The following SHROOM3 variants were observed in gnomAD, a reference collection of about 807,000 sequenced individuals.
SHROOM3 encodes shroom family member 3.
SHROOM3 carries 47 observed loss-of-function variants against 138.6 expected under a neutral mutation model. The observed-to-expected ratio is 0.34, with a 90% CI of 0.27 to 0.43. SHROOM3 has a LOEUF of 0.43. SHROOM3 is among the 20% of genes least tolerant of loss of function. The probability of loss-of-function intolerance (pLI) is 1.00; values close to 1 mark genes in which losing one functional copy is unlikely to be tolerated. For missense variants in SHROOM3, 2,491 were observed against 2,596.5 expected (o/e 0.96, Z 0.88); for synonymous variants, 1,062 against 1,063.3 (o/e 1.00, Z 0.02).
intron 1 of SHROOM3, among the ~76,000 whole-genome samples, chr4:76,511,431 G>T (rs17002031): frequency 1.3e-5 from 2 of 151,918 alleles, no homozygotes; most frequent in Admixed American, 6.6e-5. Flanking sequence ...TGCTTTTATC[G>T]CTATAATCGG....
intron 2 of SHROOM3, among the ~76,000 whole-genome samples, chr4:76,608,301 C>T (rs1039030122): frequency 6.6e-6 from 1 of 152,224 alleles, no homozygotes; most frequent in Non-Finnish European, 1.5e-5. Context: ...AAGTGCCCCC[C>T]ACCCTGTCTC....
At chr4:76,486,143 A>G (rs180802105) in intron 1 of SHROOM3, among the ~76,000 whole-genome samples, 1 of 152,356 alleles carries the variant, frequency 6.6e-6, no homozygotes, top group East Asian at 1.9e-4. Context: ...CAGGTCAGAA[A>G]GGAAGTGAAT....
At chr4:76,777,890 A>G (rs1284497957) in intron 10 of SHROOM3, among the ~76,000 whole-genome samples, 2 of 152,250 alleles carry the variant, frequency 1.3e-5, no homozygotes, top group African/African-American at 4.8e-5. Context: ...CATTGCCGTC[A>G]TTGTTGAACA....
intron 2 of SHROOM3, among the ~76,000 whole-genome samples, chr4:76,690,433 C>G (rs977897603): frequency 6.6e-6 from 1 of 152,168 alleles, no homozygotes; most frequent in Non-Finnish European, 1.5e-5. Context: ...AGCTTCTGCA[C>G]TGGGAGCAAA....
At chr4:76,478,275 A>G (rs767718458) in intron 1 of SHROOM3, among the ~76,000 whole-genome samples, 63 of 152,198 alleles carry the variant, frequency 4.1e-4, no homozygotes, top group Non-Finnish European at 6.9e-4. Context: ...CACCTGGGAC[A>G]CTCAAGTTTG....
intron 1 of SHROOM3, among the ~76,000 whole-genome samples, chr4:76,466,122 A>G (rs1731245040): frequency 6.6e-6 from 1 of 152,164 alleles, no homozygotes; most frequent in Non-Finnish European, 1.5e-5. Flanking sequence ...TGAAAAATGT[A>G]GGGTTGGTGT....
intron 1 of SHROOM3, among the ~76,000 whole-genome samples, chr4:76,553,644 C>A (rs1239272687): frequency 2.0e-5 from 3 of 152,058 alleles, no homozygotes; most frequent in Admixed American, 2.0e-4. Flanking sequence ...GTGTGTGCCA[C>A]CACACCCGTC....
intron 1 of SHROOM3, among the ~76,000 whole-genome samples, chr4:76,534,869 A>C (rs10010562): frequency 0.68 from 102,790 of 151,876 alleles, 35,157 homozygotes; most frequent in East Asian, 0.94. Flanking sequence ...ACATGACACA[A>C]GCTCTGCTGT....
intron 3 of SHROOM3, among the ~76,000 whole-genome samples, chr4:76,714,747 T>C (rs1304570387): frequency 6.6e-6 from 1 of 152,244 alleles, no homozygotes; most frequent in African/African-American, 2.4e-5. Flanking sequence ...TCATTTTTTC[T>C]ACATTTATTA....
At chr4:76,633,150 C>A (rs1411490471) in intron 2 of SHROOM3, among the ~76,000 whole-genome samples, 1 of 151,188 alleles carries the variant, frequency 6.6e-6, no homozygotes, top group African/African-American at 2.4e-5. Context: ...GCGGGGGAAT[C>A]TCTTGAGGCC....
At chr4:76,676,110 C>T (rs1310059837) in intron 2 of SHROOM3, among the ~76,000 whole-genome samples, 1 of 152,004 alleles carries the variant, frequency 6.6e-6, no homozygotes, top group African/African-American at 2.4e-5. Flanking sequence ...GAGTAGATCT[C>T]GTTGGGAATA....
chr4:76,615,801 C>T (rs1412507396), intron 2 of SHROOM3, among the ~76,000 whole-genome samples: 1 of 152,158 alleles, frequency 6.6e-6, no homozygotes, highest in African/African-American at 2.4e-5. Flanking sequence ...GATCAGGAGA[C>T]AGGATCAAAG....
rs1157674219 is a variant in SHROOM3 at position 76,545,085 on chromosome 4, CT to C, written c.169-10517del. ...TTGTTCAGATTCCCTCTACTATTTT[CT>C]TTTTTTCTTTTTTTTTTCTTTTTTT... is the stretch of plus-strand genomic sequence containing the variant. On this transcript the variant is annotated intron_variant, in intron 1 of 10. Transcript: ENST00000296043. Among the ~76,000 whole-genome samples, 11 of 151,984 alleles carry C rather than the reference CT, an allele frequency of 7.2e-5. 1 individual carries two copies. The East Asian group carries it at 2.1e-3, about 29-fold the overall frequency.
At chr4:76,678,239 T>C (rs1719096034) in intron 2 of SHROOM3, among the ~76,000 whole-genome samples, 1 of 152,108 alleles carries the variant, frequency 6.6e-6, no homozygotes, top group Non-Finnish European at 1.5e-5. Context: ...CAAACATAAA[T>C]ATTAAGGTTT....
At chr4:76,757,264 T>C (rs1194103750) in intron 8 of SHROOM3, among the ~76,000 whole-genome samples, 1 of 152,214 alleles carries the variant, frequency 6.6e-6, no homozygotes, top group Non-Finnish European at 1.5e-5. Context: ...CAATTTTACC[T>C]CCATTTACAA....
At chr4:76,736,619 G>A (rs566936924) in intron 4 of SHROOM3, among the ~76,000 whole-genome samples, 4 of 152,184 alleles carry the variant, frequency 2.6e-5, no homozygotes, top group East Asian at 1.9e-4. Context: ...GTGTTGAAAC[G>A]CCTATCCATT....
intron 2 of SHROOM3, among the ~76,000 whole-genome samples, chr4:76,578,949 C>T (rs1275225585): frequency 6.6e-6 from 1 of 152,110 alleles, no homozygotes; most frequent in Non-Finnish European, 1.5e-5. Flanking sequence ...GTAATCCCAG[C>T]AATCTGGGAG....
chr4:76,538,917 C>T (rs1733040006), intron 1 of SHROOM3, among the ~76,000 whole-genome samples: 1 of 152,112 alleles, frequency 6.6e-6, no homozygotes, highest in East Asian at 1.9e-4. Context: ...GCAGCCTTTC[C>T]TTGATCACTG....
intron 1 of SHROOM3, among the ~76,000 whole-genome samples, chr4:76,501,893 T>A (rs1324103865): frequency 2.0e-5 from 3 of 152,190 alleles, no homozygotes; most frequent in African/African-American, 7.2e-5. Context: ...TCCTTTATTA[T>A]ATCCAGTAAA....
Sources: gnomAD v4.1 joint callset for allele counts (sites outside exome capture counted in the v4.1 genomes callset) on GRCh38, gnomAD v4.1.1 for gene constraint, MANE v1.5 for transcripts, NCBI Gene and HGNC (gene_info 2026-07-23, HGNC 2026-07-21) for gene names.